PIK3R3: variants seen among roughly 807,000 people sequenced by gnomAD.
The protein encoded by PIK3R3 is phosphatidylinositol 3-kinase regulatory subunit gamma.
Under a neutral mutation model 62.9 loss-of-function variants are expected in PIK3R3, and 64 were observed. That is an observed-to-expected ratio of 1.02 (90% confidence interval 0.83 to 1.25). The LOEUF (loss-of-function observed/expected upper bound fraction) is 1.25, where lower values mean the gene tolerates loss of function less well. Ranked by LOEUF, PIK3R3 falls within the 50% of genes most tolerant of loss-of-function variation. The pLI, the probability that PIK3R3 is intolerant of heterozygous loss-of-function variation, is 0.00. For missense variants in PIK3R3, 614 were observed against 561.6 expected (o/e 1.09, Z -0.94); for synonymous variants, 165 against 189.0 (o/e 0.87, Z 1.04).
chr1:46,045,644 T>TTTTATTTTTTTTTTTC (rs370501368), intron 9 of PIK3R3, among the ~76,000 whole-genome samples: 1 of 82,596 alleles, frequency 1.2e-5, no homozygotes, highest in Non-Finnish European at 2.3e-5. Context: ...TTTTTTTTTT[T>TTTTATTTTTTTTTTTC]CAATTTAAGA....
intron 1 of PIK3R3, among the ~76,000 whole-genome samples, chr1:46,124,935 T>C (rs1049399614): frequency 2.6e-5 from 4 of 151,028 alleles, no homozygotes; most frequent in Admixed American, 6.6e-5. Context: ...CCGTCTCTAC[T>C]TAAAATACGA....
the PIK3R3 span, among the ~76,000 whole-genome samples, chr1:46,153,967 A>G: frequency 2.6e-5 from 4 of 152,214 alleles, no homozygotes; most frequent in African/African-American, 9.6e-5. Flanking sequence ...TTGATCTAGA[A>G]GGATAAGTAA....
rs777553997 is a variant in PIK3R3 at position 46,132,311 on chromosome 1, C to A, written c.-359G>T. 6.3e-6 allele frequency: 7 copies of A among 1,112,584 alleles called. No individual in the cohort carries two copies. The highest frequency in any genetic ancestry group is 4.2e-4 in the Middle Eastern group (1 of 2,388). 68.9% of individuals were successfully genotyped at this position (1,112,584 alleles called of 1,614,324 possible). ...CCGCCTCCAAATCTTTCCGCGGAAGCCACTTTTGTGTCCTTCGAAGGAGGG... is the reference window on the plus strand; with the variant it reads ...CCGCCTCCAAATCTTTCCGCGGAAGACACTTTTGTGTCCTTCGAAGGAGGG... On this transcript the variant is annotated 5_prime_UTR_variant, in exon 1 of 10. Transcript: ENST00000262741.
intron 1 of PIK3R3, among the ~76,000 whole-genome samples, chr1:46,117,999 G>A (rs780659471): frequency 3.3e-5 from 5 of 150,224 alleles, no homozygotes; most frequent in Non-Finnish European, 5.9e-5. Flanking sequence ...GACCACTTGA[G>A]CCCAGGAGGT....
chr1:46,080,329 A>G (rs1043611380), intron 2 of PIK3R3, among the ~76,000 whole-genome samples: 2 of 151,864 alleles, frequency 1.3e-5, no homozygotes, highest in African/African-American at 2.4e-5. Flanking sequence ...CCCAAAGTGC[A>G]TGGCTTACAG....
the PIK3R3 span, among the ~76,000 whole-genome samples, chr1:46,173,512 C>G: frequency 1.3e-5 from 2 of 152,154 alleles, no homozygotes; most frequent in South Asian, 4.1e-4. Flanking sequence ...TAGGTCAGCT[C>G]AGCTAACCCA....
chr1:46,143,115 A>G, the PIK3R3 span, among the ~76,000 whole-genome samples: 1 of 152,246 alleles, frequency 6.6e-6, no homozygotes, highest in Non-Finnish European at 1.5e-5. Flanking sequence ...TAATGAAATT[A>G]CAGCCTTTCT....
At chr1:46,075,358 G>A (rs1258107677) in intron 3 of PIK3R3, among the ~76,000 whole-genome samples, 1 of 152,206 alleles carries the variant, frequency 6.6e-6, no homozygotes, top group South Asian at 2.1e-4. Context: ...GCTCACGCCT[G>A]TAATCCCAGC....
At chr1:46,072,002 T>A (rs1649585010) in intron 3 of PIK3R3, among the ~76,000 whole-genome samples, 1 of 151,976 alleles carries the variant, frequency 6.6e-6, no homozygotes, top group Admixed American at 6.6e-5. Flanking sequence ...TTTGCTCCTA[T>A]TGTTATCTAT....
chr1:46,118,554 C>CTTTTTTTT (rs1291550266), intron 1 of PIK3R3, among the ~76,000 whole-genome samples: 2 of 132,224 alleles, frequency 1.5e-5, no homozygotes. Context: ...CATTACTTGT[C>CTTTTTTTT]TTTTTTTTTT....
At chr1:46,075,046 A>G (rs2149407029) in intron 3 of PIK3R3, among the ~76,000 whole-genome samples, 1 of 152,282 alleles carries the variant, frequency 6.6e-6, no homozygotes, top group African/African-American at 2.4e-5. Flanking sequence ...CTTTTCTTTC[A>G]TCACTTCGTC....
At chr1:46,113,443 G>A (rs1311793008) in intron 1 of PIK3R3, among the ~76,000 whole-genome samples, 2 of 151,502 alleles carry the variant, frequency 1.3e-5, no homozygotes, top group Non-Finnish European at 2.9e-5. Context: ...ACAGTCATGT[G>A]CCACCACACC....
chr1:46,146,911 GC>G, the PIK3R3 span, among the ~76,000 whole-genome samples: 1 of 152,106 alleles, frequency 6.6e-6, no homozygotes. Flanking sequence ...ACTCTCAGTG[GC>G]CTGAGTATAC....
intron 1 of PIK3R3, among the ~76,000 whole-genome samples, chr1:46,089,969 T>C (rs535571031): frequency 3.6e-4 from 54 of 151,992 alleles, no homozygotes; most frequent in African/African-American, 1.2e-3. Context: ...TTACAAAAAA[T>C]AGGGAGGTAA....
the PIK3R3 span, among the ~76,000 whole-genome samples, chr1:46,142,978 G>A: frequency 6.6e-6 from 1 of 152,180 alleles, no homozygotes; most frequent in Non-Finnish European, 1.5e-5. Context: ...CAACAACGTG[G>A]GCAAACGATC....
chr1:46,143,189 A>G, the PIK3R3 span, among the ~76,000 whole-genome samples: 2 of 152,154 alleles, frequency 1.3e-5, no homozygotes, highest in African/African-American at 4.8e-5. Flanking sequence ...TGATTCATTC[A>G]TTTCCAGGAC....
At chr1:46,160,299 C>T in the PIK3R3 span, among the ~76,000 whole-genome samples, 1 of 152,316 alleles carries the variant, frequency 6.6e-6, no homozygotes, top group South Asian at 2.1e-4. Flanking sequence ...AACTAAAATA[C>T]ATGTAGGTCT....
the PIK3R3 span, among the ~76,000 whole-genome samples, chr1:46,142,407 TA>T: frequency 6.6e-6 from 1 of 152,154 alleles, no homozygotes; most frequent in African/African-American, 2.4e-5. Context: ...ACATTGAAAT[TA>T]ATTACAGAGG....
chr1:46,070,347 C>G (rs544276389), intron 3 of PIK3R3, among the ~76,000 whole-genome samples: 89 of 152,290 alleles, frequency 5.8e-4, no homozygotes, highest in Middle Eastern at 6.8e-3. Context: ...GCAGACTATT[C>G]ACATTAATGT....
Sources: allele counts gnomAD v4.1 joint callset (sites outside exome capture counted in the v4.1 genomes callset), GRCh38; gene constraint gnomAD v4.1.1; transcripts MANE v1.5; gene names NCBI Gene and HGNC (gene_info 2026-07-23, HGNC 2026-07-21).